GBE1: variants seen among roughly 807,000 people sequenced by gnomAD.
The protein encoded by GBE1 is 1,4-alpha-glucan branching enzyme 1.
Under a neutral mutation model 88.8 loss-of-function variants are expected in GBE1, and 70 were observed. The observed-to-expected ratio is 0.79, with a 90% CI of 0.65 to 0.96. GBE1 has a LOEUF of 0.96. GBE1 is among the 40% of genes least tolerant of loss of function. GBE1 has a pLI of 0.00. For missense variants in GBE1, 872 were observed against 871.0 expected (o/e 1.00, Z -0.01); for synonymous variants, 284 against 300.1 (o/e 0.95, Z 0.56).
At chr3:81,695,545 C>T (rs751706426) in intron 2 of GBE1, among the ~76,000 whole-genome samples, 3 of 151,800 alleles carry the variant, frequency 2.0e-5, no homozygotes, top group Admixed American at 6.6e-5. Context: ...TTTGGGGTGA[C>T]GGAAGTGTTC....
At chr3:81,556,495 G>T (rs1381266441) in intron 12 of GBE1, among the ~76,000 whole-genome samples, 1 of 151,962 alleles carries the variant, frequency 6.6e-6, no homozygotes. Context: ...GTATTTGGGG[G>T]TAACGAGAAA....
intron 6 of GBE1, among the ~76,000 whole-genome samples, chr3:81,646,034 G>A (rs750860638): frequency 2.0e-5 from 3 of 152,164 alleles, no homozygotes; most frequent in Non-Finnish European, 4.4e-5. Flanking sequence ...ACTCTTCGGT[G>A]ACCTTCCTAG....
Position 81,541,794 on chromosome 3 carries a change from G to A in GBE1, c.1619-4699C>T, listed in dbSNP as rs1181425472. Among the ~76,000 whole-genome samples the A allele has an allele frequency of 3.9e-5, 6 of 152,060 alleles. No individual in the cohort carries two copies. In the East Asian group the frequency reaches 1.2e-3, roughly 29 times the overall value. On this transcript the variant is annotated intron_variant, in intron 12 of 15. Coordinates refer to ENST00000429644, the MANE Select transcript of GBE1 (RefSeq NM_000158.4). ...TGGTTTGTTATAGCAGGACAAACAGGCTAAGATAATAAGGACTGAAGAGTA... is the reference window on the plus strand; with the variant it reads ...TGGTTTGTTATAGCAGGACAAACAGACTAAGATAATAAGGACTGAAGAGTA...
intron 2 of GBE1, among the ~76,000 whole-genome samples, chr3:81,682,074 T>G (rs985876027): frequency 3.9e-5 from 6 of 152,124 alleles, no homozygotes; most frequent in Non-Finnish European, 7.4e-5. Flanking sequence ...ATTTAACAAT[T>G]GAATAAAAAA....
chr3:81,743,467 T>G, intron 1 of GBE1: 1 of 842,262 alleles, frequency 1.2e-6, no homozygotes, highest in Non-Finnish European at 1.9e-6. Flanking sequence ...TATCACTAGT[T>G]TTAAGTTTTA....
At chr3:81,552,323 G>T (rs1275488209) in intron 12 of GBE1, among the ~76,000 whole-genome samples, 1 of 152,106 alleles carries the variant, frequency 6.6e-6, no homozygotes. Flanking sequence ...CTCAAGACCA[G>T]CCTGGCCAGC....
At chr3:81,510,987 G>A (rs1010577905) in intron 14 of GBE1, among the ~76,000 whole-genome samples, 1 of 151,842 alleles carries the variant, frequency 6.6e-6, no homozygotes, top group African/African-American at 2.4e-5. Context: ...ATCTCACAAG[G>A]TATATGTATA....
intron 14 of GBE1, among the ~76,000 whole-genome samples, chr3:81,499,930 A>G (rs1052906313): frequency 6.6e-6 from 1 of 152,208 alleles, no homozygotes; most frequent in African/African-American, 2.4e-5. Context: ...ATGCATTGGT[A>G]CCTTAGAAAT....
intron 7 of GBE1, among the ~76,000 whole-genome samples, chr3:81,603,090 T>C (rs1247920524): frequency 1.3e-5 from 2 of 152,080 alleles, no homozygotes; most frequent in Admixed American, 1.3e-4. Context: ...TTCCTTCCAT[T>C]TTCCTCTTCT....
intron 7 of GBE1, among the ~76,000 whole-genome samples, chr3:81,621,782 AG>A (rs955370050): frequency 1.3e-5 from 2 of 152,192 alleles, no homozygotes; most frequent in Non-Finnish European, 2.9e-5. Context: ...CCACTCTTGC[AG>A]TGGACAATAC....
chr3:81,522,213 A>T (rs1702883292), intron 14 of GBE1, among the ~76,000 whole-genome samples: 2 of 151,630 alleles, frequency 1.3e-5, no homozygotes, highest in Admixed American at 6.6e-5. Context: ...TGATTTGAAT[A>T]GCTGGCACAT....
intron 7 of GBE1, among the ~76,000 whole-genome samples, chr3:81,610,693 T>C (rs1056051355): frequency 6.6e-5 from 10 of 152,166 alleles, no homozygotes; most frequent in Non-Finnish European, 1.0e-4. Flanking sequence ...CACCTGTGAC[T>C]GCAGGTGGCT....
At chr3:81,564,565 T>C (rs1703466358) in intron 12 of GBE1, among the ~76,000 whole-genome samples, 1 of 152,200 alleles carries the variant, frequency 6.6e-6, no homozygotes, top group Non-Finnish European at 1.5e-5. Flanking sequence ...AAAGATTTTC[T>C]GTATTCAGTT....
intron 14 of GBE1, among the ~76,000 whole-genome samples, chr3:81,499,767 T>C (rs1326540037): frequency 6.6e-6 from 1 of 152,208 alleles, no homozygotes; most frequent in Non-Finnish European, 1.5e-5. Context: ...AAATGCATCA[T>C]TGCATCTGTA....
chr3:81,610,441 ATT>A (rs543228358), intron 7 of GBE1, among the ~76,000 whole-genome samples: 83 of 152,210 alleles, frequency 5.5e-4, no homozygotes, highest in Non-Finnish European at 1.0e-3. Context: ...AAAGGTCTAC[ATT>A]TGTTTCTCAT....
At chr3:81,513,074 C>T (rs889440791) in intron 14 of GBE1, among the ~76,000 whole-genome samples, 1 of 151,522 alleles carries the variant, frequency 6.6e-6, no homozygotes, top group African/African-American at 2.4e-5. Flanking sequence ...CACAAAATTG[C>T]CCACTGCTTG....
At chr3:81,697,403 G>T (rs1559691145) in intron 2 of GBE1, among the ~76,000 whole-genome samples, 1 of 151,278 alleles carries the variant, frequency 6.6e-6, no homozygotes, top group African/African-American at 2.4e-5. Context: ...AGGTTCAAGC[G>T]ATTCTCCTGC....
rs1236060693 is a variant in GBE1 at position 81,535,233 on chromosome 3, G to T, written c.1896C>A (p.Ser632Arg). The T allele has an allele frequency of 6.2e-7, 1 of 1,611,294 alleles. No homozygotes were observed. The change falls in exon 14 of 16, where the codon AGC (serine) becomes AGA (arginine). Residue 632 changes from serine (S) to arginine (R), a missense_variant. Transcript: ENST00000429644. ...CTGTTCCAACTCGGTAGTCAGTGTA[G>T]CTCTTGCTTGGATGGAAGTTGAAAA... is the stretch of plus-strand genomic sequence containing the variant. The part of the protein sequence containing the change: ...LFIFNFHPSK[S>R]YTDYRVGTAL...
intron 1 of GBE1, among the ~76,000 whole-genome samples, chr3:81,744,330 T>A (rs1052084542): frequency 6.6e-6 from 1 of 152,098 alleles, no homozygotes; most frequent in Non-Finnish European, 1.5e-5. Flanking sequence ...ATACATTAGG[T>A]TGAATAGTGT....
Sources: gnomAD v4.1 joint callset for allele counts (sites outside exome capture counted in the v4.1 genomes callset) on GRCh38, gnomAD v4.1.1 for gene constraint, MANE v1.5 for transcripts, NCBI Gene and HGNC (gene_info 2026-07-23, HGNC 2026-07-21) for gene names.